The following TRIML1 variants were observed in gnomAD, a reference collection of about 807,000 sequenced individuals.
TRIML1 encodes the protein probable E3 ubiquitin-protein ligase TRIML1.
A neutral mutation model predicts 32.3 loss-of-function variants in TRIML1; 34 were observed. The observed-to-expected ratio is 1.05, with a 90% CI of 0.80 to 1.40. The LOEUF is 1.40. Among genes scored for constraint, TRIML1 ranks in the 40% most tolerant of loss-of-function variants. TRIML1 has a pLI of 0.00. For synonymous variants in TRIML1, 244 were observed against 226.6 expected, an observed-to-expected ratio of 1.08 and a Z score of -0.69; for missense variants, 595 against 574.9, an observed-to-expected ratio of 1.03 and a Z score of -0.36.
Position 188,142,256 on chromosome 4 carries a change from AAAC to A in TRIML1, c.512_514del (p.Thr171del). The A allele has an allele frequency of 6.2e-7, 1 of 1,605,614 alleles. No homozygotes were observed. The highest frequency in any genetic ancestry group is 8.5e-7 in the Non-Finnish European group (1 of 1,177,590). Reference sequence around the variant, plus strand: ...TGTGTGTGTGTGTTTTGGCAGGAAGAAACAAAGACTTGTAAACAGGTTGTTGTG... The same window carrying A: ...TGTGTGTGTGTGTTTTGGCAGGAAGAAAAGACTTGTAAACAGGTTGTTGTG... On this transcript the variant is annotated inframe_deletion, in exon 3 of 6. Coordinates refer to ENST00000332517, the MANE Select transcript of TRIML1 (RefSeq NM_178556.5).
intron 2 of TRIML1, among the ~76,000 whole-genome samples, chr4:188,141,040 C>G (rs1007184009): frequency 2.6e-5 from 4 of 152,078 alleles, no homozygotes; most frequent in African/African-American, 9.7e-5. Flanking sequence ...TGATACCTGA[C>G]AAGTCCTCAA....
At chr4:188,144,456 G>A (rs1210438345) in intron 5 of TRIML1, among the ~76,000 whole-genome samples, 3 of 146,224 alleles carry the variant, frequency 2.1e-5, no homozygotes, top group Admixed American at 6.9e-5. Flanking sequence ...TCCGCTTCCC[G>A]GGTTCACGCC....
At chr4:188,137,610 T>G (rs1734699910), upstream of TRIML1, among the ~76,000 whole-genome samples, 1 of 151,856 alleles carries the variant, frequency 6.6e-6, no homozygotes, top group Admixed American at 6.6e-5. Context: ...CCTGACTAGC[T>G]GGGATTACAG....
rs1317820118 is a variant in TRIML1, at chr4:188,142,431, G to A, written c.684G>A (p.Met228Ile). The change falls in exon 3 of 6, where the codon ATG (methionine) becomes ATA (isoleucine). Residue 228 changes from methionine to isoleucine, a missense_variant. By Grantham distance (10) the Met-to-Ile change is conservative (BLOSUM62 1). Coordinates refer to ENST00000332517, the MANE Select transcript of TRIML1 (RefSeq NM_178556.5). ...AGCAAATCAGAAGCCTAAGCAAAAT[G>A]ATCGCACAGATTGAGTCCTCAAGTC... ...LTQQIRSLSK[M>I]IAQIESSSQS... The A allele has an allele frequency of 6.2e-7, 1 of 1,613,856 alleles. No homozygotes were observed.
intron 3 of TRIML1, chr4:188,143,142 G>C (rs1255053552): frequency 6.6e-6 from 1 of 150,394 alleles, no homozygotes. Flanking sequence ...TGCAATCTAC[G>C]CCTCCTGGGT....
At chr4:188,146,448 C>T (rs550656653) in intron 5 of TRIML1, among the ~76,000 whole-genome samples, 29 of 152,258 alleles carry the variant, frequency 1.9e-4, no homozygotes, top group African/African-American at 6.3e-4. Flanking sequence ...CTTGCTCTGT[C>T]GCCCAGGCTG....
At chr4:188,141,198 C>G (rs79792387) in intron 2 of TRIML1, among the ~76,000 whole-genome samples, 37,234 of 126,936 alleles carry the variant, frequency 0.29, 5,913 homozygotes, top group Non-Finnish European at 0.37. Flanking sequence ...GATGGAGTCT[C>G]TCTCTGTCGC....
chr4:188,138,833 T>C (rs1734744097), upstream of TRIML1, among the ~76,000 whole-genome samples: 1 of 152,090 alleles, frequency 6.6e-6, no homozygotes, highest in African/African-American at 2.4e-5. Context: ...AGATGGCAGA[T>C]GGGTGAGTAC....
downstream of TRIML1, among the ~76,000 whole-genome samples, chr4:188,149,492 G>C (rs1197917152): frequency 2.2e-5 from 2 of 91,926 alleles, no homozygotes; most frequent in African/African-American, 7.0e-5. Context: ...CTTAAAAAGA[G>C]GTCTGTGAAA....
At chr4:188,141,207 G>T (rs1200718839) in intron 2 of TRIML1, among the ~76,000 whole-genome samples, 2 of 129,508 alleles carry the variant, frequency 1.5e-5, no homozygotes, top group Non-Finnish European at 3.1e-5. Flanking sequence ...TCTCTCTGTC[G>T]CCCAGGCTGG....
At chr4:188,142,670 A>G (rs1341257276) in intron 3 of TRIML1, among the ~76,000 whole-genome samples, 188 bp downstream of exon 3, 4 of 151,332 alleles carry the variant, frequency 2.6e-5, no homozygotes. Flanking sequence ...GAAAAAAAAA[A>G]ACACATCCAG....
chr4:188,146,392 A>C (rs2111237769), intron 5 of TRIML1, among the ~76,000 whole-genome samples: 1 of 152,302 alleles, frequency 6.6e-6, no homozygotes, highest in Middle Eastern at 3.4e-3. Context: ...AGAAGAGCTC[A>C]GAAATTTTGT....
In TRIML1 at chr4:188,146,967, G is replaced by C. The variant is rs1471654827; in HGVS notation, c.1002G>C (p.Gln334His). 27 of 1,557,832 alleles carry C rather than the reference G, an allele frequency of 1.7e-5. No homozygotes were observed. The highest frequency in any genetic ancestry group is 2.3e-5 in the Non-Finnish European group (27 of 1,152,704). The change falls in exon 6 of 6, where the codon CAG becomes CAC. Residue 334 changes from glutamine (Q) to histidine (H), a missense_variant. Coordinates refer to ENST00000332517, the MANE Select transcript of TRIML1 (RefSeq NM_178556.5). Reference sequence around the variant, plus strand: ...AGTCTGCGACTGTGCTGGGTACTCAGATCTTCACCAGTGGGAGACACTACT... The same window carrying C: ...AGTCTGCGACTGTGCTGGGTACTCACATCTTCACCAGTGGGAGACACTACT... ...FDQSATVLGT[Q>H]IFTSGRHYWE...
rs1432109194 is a variant in TRIML1 at position 188,147,502 on chromosome 4, A to G, written c.*130A>G. The G allele has an allele frequency of 2.9e-6, 2 of 689,524 alleles. No individual in the cohort carries two copies. The highest frequency in any genetic ancestry group is 4.2e-6 in the Non-Finnish European group (2 of 478,492). The allele number at this position is 689,524 out of a possible 1,614,324, so 42.7% of individuals were successfully genotyped here. A position where few individuals can be genotyped will look rare whatever the true frequency, so the allele number is the denominator to read the frequency against. ...ACTCCCGTAACCCCACCCCACCCCC[A>G]AGAGTTTCCATTAACTTGATCCCAT... On this transcript the variant is annotated 3_prime_UTR_variant, in exon 6 of 6. Transcript: ENST00000332517.
intron 4 of TRIML1, 70 bp downstream of exon 4, chr4:188,143,930 G>T (rs1734957466): frequency 6.2e-7 from 1 of 1,609,220 alleles, no homozygotes; most frequent in African/African-American, 1.3e-5. Flanking sequence ...TTCTGAGTGG[G>T]GATAGGAGGT....
chr4:188,147,316 A>G lies in TRIML1; in HGVS notation c.1351A>G (p.Asn451Asp), dbSNP rs1370875701. 2.0e-6 allele frequency: 3 copies of G among 1,534,934 alleles called. No homozygotes were observed. The highest frequency in any genetic ancestry group is 2.6e-6 in the Non-Finnish European group (3 of 1,143,042). The change falls in exon 6 of 6, where the codon AAT becomes GAT. Residue 451 changes from asparagine (N) to aspartate (D), a missense_variant. Transcript: ENST00000332517. Reference sequence around the variant, plus strand: ...GCCTATCTTTTCCCCCTGCCTCCCAAATGAGGGGACAAACACAGACCCTCT... The same window carrying G: ...GCCTATCTTTTCCCCCTGCCTCCCAGATGAGGGGACAAACACAGACCCTCT... ...LRPIFSPCLPNEGTNTDPLTI... is the reference protein window; with the variant it reads ...LRPIFSPCLPDEGTNTDPLTI...
intron 2 of TRIML1, 95 bp from the exon 3 acceptor site, chr4:188,142,157 T>G: frequency 2.3e-6 from 2 of 856,364 alleles, no homozygotes; most frequent in South Asian, 1.8e-5. Context: ...CTAGGACTTG[T>G]AAGGATTAAA....
rs1195559032 is a variant in TRIML1 at position 188,147,542 on chromosome 4, T to G, written c.*170T>G. The stretch of plus-strand genomic sequence containing the variant: ...CTTGATCCCATTATGAACAGCCACA[T>G]TACACAATCAACTTCAACCCCAATA... On this transcript the variant is annotated 3_prime_UTR_variant, in exon 6 of 6. Coordinates refer to ENST00000332517, the MANE Select transcript of TRIML1 (RefSeq NM_178556.5). The G allele has an allele frequency of 2.2e-6, 1 of 454,132 alleles. No homozygotes were observed. Among genetic ancestry groups the G allele is most frequent in the Non-Finnish European group, 3.7e-6 (1 of 271,356 alleles). The allele number at this position is 454,132 out of a possible 1,614,324, so 28.1% of individuals were successfully genotyped here.
chr4:188,146,537 G>A (rs966424191), intron 5 of TRIML1, among the ~76,000 whole-genome samples: 6 of 150,824 alleles, frequency 4.0e-5, no homozygotes, highest in South Asian at 4.1e-4. Flanking sequence ...AGCCTCCTGA[G>A]TAGTTCGGAT....
Sources: gnomAD v4.1 joint callset for allele counts (sites outside exome capture counted in the v4.1 genomes callset) on GRCh38, gnomAD v4.1.1 for gene constraint, MANE v1.5 for transcripts, NCBI Gene and HGNC (gene_info 2026-07-23, HGNC 2026-07-21) for gene names.